Variants in MDGA1 observed in about 807,000 individuals in gnomAD.
MDGA1 encodes MAM domain-containing glycosylphosphatidylinositol anchor protein 1.
A neutral mutation model predicts 101.5 loss-of-function variants in MDGA1; 54 were observed. That is an observed-to-expected ratio of 0.53 (90% confidence interval 0.43 to 0.67). The LOEUF (loss-of-function observed/expected upper bound fraction) is 0.67, where lower values mean the gene tolerates loss of function less well. Among genes scored for constraint, MDGA1 ranks in the 30% least tolerant of loss-of-function variants. The pLI, the probability that MDGA1 is intolerant of heterozygous loss-of-function variation, is 0.00. For synonymous variants in MDGA1, 533 were observed against 558.3 expected (o/e 0.95, Z 0.64); for missense variants, 1,083 against 1,323.8 (o/e 0.82, Z 2.82).
chr6:37,677,345 G>C (rs1762002407), intron 1 of MDGA1, among the ~76,000 whole-genome samples: 2 of 152,168 alleles, frequency 1.3e-5, no homozygotes, highest in Admixed American at 1.3e-4. Flanking sequence ...TTGGGGAATA[G>C]GCCCCAAGGA....
intron 9 of MDGA1, 88 bp from the exon 10 acceptor site, chr6:37,647,412 T>G (rs1761233688): frequency 7.5e-6 from 6 of 798,304 alleles, no homozygotes; most frequent in East Asian, 2.9e-5. Flanking sequence ...AACAAGAGGA[T>G]GAGGTGGAAA....
At position 37,654,802 on chromosome 6, in the gene MDGA1, G is replaced by A. The variant is rs756958252; in HGVS notation, c.710C>T (p.Thr237Met). 102 of 1,613,652 alleles carry A rather than the reference G, an allele frequency of 6.3e-5. 1 individual carries two copies. Among genetic ancestry groups the A allele is most frequent in the Non-Finnish European group, 4.5e-5 (53 of 1,179,828 alleles). ...TATGGGGAGGAAAATGCCTGTACCC[G>A]TGGTGTTGGTGAGCCGGAAGGTGAT... ...KAITFRLTNT[T>M]APPALKLSVN... The change falls in exon 5 of 17, where the codon ACG (threonine) becomes ATG (methionine). Residue 237 changes from threonine to methionine, a missense_variant and splice_region_variant. Coordinates refer to ENST00000434837, the MANE Select transcript of MDGA1 (RefSeq NM_153487.4).
At chr6:37,664,600 T>TACACAC (rs61046567) in intron 1 of MDGA1, among the ~76,000 whole-genome samples, 8,939 of 118,046 alleles carry the variant, frequency 0.076, 508 homozygotes, top group East Asian at 0.2. Context: ...TCCCCCACAA[T>TACACAC]ACACACACAC....
intron 1 of MDGA1, among the ~76,000 whole-genome samples, chr6:37,687,475 G>A (rs1019016030): frequency 6.6e-6 from 1 of 151,928 alleles, no homozygotes; most frequent in African/African-American, 2.4e-5. Flanking sequence ...AGGCTGAGGT[G>A]GGAGGATTGC....
At chr6:37,649,800 C>G in intron 8 of MDGA1, 1 of 589,016 alleles carries the variant, frequency 1.7e-6, no homozygotes, top group South Asian at 1.7e-5. Context: ...ATCCTGTTAT[C>G]AGACAGTGTT....
chr6:37,692,891 C>A (rs1341467440), intron 1 of MDGA1, among the ~76,000 whole-genome samples: 1 of 152,204 alleles, frequency 6.6e-6, no homozygotes, highest in African/African-American at 2.4e-5. Context: ...AGCCCCCGCC[C>A]ACCCATGAAG....
chr6:37,696,218 G>C lies in MDGA1; in HGVS notation c.67+527C>G, dbSNP rs976667509. Among the ~76,000 whole-genome samples the C allele has an allele frequency of 6.6e-6, 1 of 152,196 alleles. No individual in the cohort carries two copies. Among genetic ancestry groups the C allele is most frequent in the African/African-American group, 2.4e-5 (1 of 41,458 alleles). On this transcript the variant is annotated intron_variant, in intron 1 of 16. Transcript: ENST00000434837. The surrounding 1 kb of genome is among the most constrained non-coding windows in gnomAD (Gnocchi z 5.6). ...CCGGGGTCGAAGGCGCCAGGGCCAG[G>C]GGATGCCGGCATCCTGATCAGGGTG...
At chr6:37,688,436 G>A (rs1317570891) in intron 1 of MDGA1, among the ~76,000 whole-genome samples, 1 of 152,168 alleles carries the variant, frequency 6.6e-6, no homozygotes, top group Non-Finnish European at 1.5e-5. Flanking sequence ...AAGGAACCAA[G>A]AAGAGCCTGG....
chr6:37,685,876 C>T (rs910271184), intron 1 of MDGA1, among the ~76,000 whole-genome samples: 11 of 152,080 alleles, frequency 7.2e-5, no homozygotes, highest in African/African-American at 2.7e-4. Context: ...CTGAGCTAGG[C>T]TGGCAGAGTG....
chr6:37,693,420 G>A (rs932097404), intron 1 of MDGA1, among the ~76,000 whole-genome samples: 3 of 152,194 alleles, frequency 2.0e-5, no homozygotes, highest in Non-Finnish European at 4.4e-5. Flanking sequence ...ATTAACATAG[G>A]ATAGTAGTTT....
intron 2 of MDGA1, among the ~76,000 whole-genome samples, chr6:37,662,162 GAAA>G (rs10717477): frequency 1.5e-5 from 2 of 131,412 alleles, no homozygotes; most frequent in Non-Finnish European, 1.6e-5. Flanking sequence ...ACCCTGTCTC[GAAA>G]AAAAAAAAAA....
chr6:37,657,717 C>T (rs1226592106), intron 3 of MDGA1, among the ~76,000 whole-genome samples: 2 of 152,200 alleles, frequency 1.3e-5, no homozygotes, highest in East Asian at 1.9e-4. Context: ...ACAGGCTCCT[C>T]GGGCTAAAGG....
intron 1 of MDGA1, among the ~76,000 whole-genome samples, chr6:37,690,643 G>A (rs1762289533): frequency 6.6e-6 from 1 of 152,040 alleles, no homozygotes. Context: ...TGGGTGTGGT[G>A]GAGTGTGCCT....
rs1043751257 is a variant in MDGA1, at chr6:37,697,499, G to C, written c.-688C>G. The stretch of plus-strand genomic sequence containing the variant: ...CGCCGATAAACCCGGGGGAAGAATA[G>C]CAGCCCGGCGCCCCGCGGGAATCTG... On this transcript the variant is annotated 5_prime_UTR_variant, in exon 1 of 17. Coordinates refer to ENST00000434837, the MANE Select transcript of MDGA1 (RefSeq NM_153487.4). 3 of 152,156 alleles carry C rather than the reference G, an allele frequency of 2.0e-5. No individual in the cohort carries two copies. The highest frequency in any genetic ancestry group is 4.4e-5 in the Non-Finnish European group (3 of 68,016). The allele number at this position is 152,156 out of a possible 1,614,324, so 9.4% of individuals were successfully genotyped here.
At chr6:37,675,796 C>T (rs754868068) in intron 1 of MDGA1, among the ~76,000 whole-genome samples, 91 of 152,108 alleles carry the variant, frequency 6.0e-4, no homozygotes, top group Admixed American at 1.3e-3. Context: ...AAGTTCTAGC[C>T]CCACCAAGCT....
At chr6:37,695,269 GA>G (rs1003980894) in intron 1 of MDGA1, among the ~76,000 whole-genome samples, 19 of 152,322 alleles carry the variant, frequency 1.2e-4, no homozygotes, top group African/African-American at 4.6e-4. Context: ...TGGGGAGAAA[GA>G]AGAAAGTGAA....
chr6:37,658,836 T>G (rs1761556106), intron 2 of MDGA1, among the ~76,000 whole-genome samples: 1 of 151,968 alleles, frequency 6.6e-6, no homozygotes. Context: ...CCGGGCGTTA[T>G]GGCGCGCACC....
chr6:37,641,046 G>A (rs532074677), intron 14 of MDGA1, among the ~76,000 whole-genome samples: 13 of 152,236 alleles, frequency 8.5e-5, no homozygotes, highest in Admixed American at 6.5e-5. Context: ...GCTTTGCCAT[G>A]GGGGACAGGG....
At chr6:37,671,593 T>C (rs114133207) in intron 1 of MDGA1, among the ~76,000 whole-genome samples, 2,034 of 152,284 alleles carry the variant, frequency 0.013, 32 homozygotes, top group African/African-American at 0.041. Flanking sequence ...TGTATAGTTA[T>C]GGGTAGGGGC....
Sources: allele counts gnomAD v4.1 joint callset (sites outside exome capture counted in the v4.1 genomes callset), GRCh38; gene constraint gnomAD v4.1.1; non-coding constraint Gnocchi (gnomAD v3.1); transcripts MANE v1.5; gene names NCBI Gene and HGNC (gene_info 2026-07-23, HGNC 2026-07-21).